The following PCSK2 variants were observed in gnomAD, a reference collection of about 807,000 sequenced individuals.
PCSK2 encodes the protein proprotein convertase subtilisin/kexin type 2, also known as neuroendocrine convertase 2.
Under a neutral mutation model 69.7 loss-of-function variants are expected in PCSK2, and 14 were observed. That is an observed-to-expected ratio of 0.20 (90% CI 0.13 to 0.31). PCSK2 has a LOEUF of 0.31. Among genes scored for constraint, PCSK2 ranks in the 10% least tolerant of loss-of-function variants. The pLI, the probability that PCSK2 is intolerant of heterozygous loss-of-function variation, is 1.00. For missense variants in PCSK2, 544 were observed against 842.5 expected (o/e 0.65, Z 4.39); for synonymous variants, 307 against 320.7 (o/e 0.96, Z 0.46).
chr20:17,444,481 T>C (rs1392664121), intron 8 of PCSK2, among the ~76,000 whole-genome samples: 3 of 152,208 alleles, frequency 2.0e-5, no homozygotes, highest in African/African-American at 7.2e-5. Context: ...TTCTTTTGCT[T>C]AGTAGTCTAT....
At chr20:17,258,294 T>G (rs1171628266) in intron 1 of PCSK2, among the ~76,000 whole-genome samples, 5 of 152,228 alleles carry the variant, frequency 3.3e-5, no homozygotes, top group African/African-American at 1.2e-4. Flanking sequence ...ATTCAACTTT[T>G]TTATTGAATA....
intron 2 of PCSK2, among the ~76,000 whole-genome samples, chr20:17,325,633 T>G (rs6111501): frequency 0.013 from 1,999 of 152,352 alleles, 49 homozygotes; most frequent in African/African-American, 0.046. Context: ...CAATCATTGG[T>G]TATTGTCCAT....
chr20:17,435,176 C>T (rs2032458600), intron 7 of PCSK2, among the ~76,000 whole-genome samples: 2 of 152,082 alleles, frequency 1.3e-5, no homozygotes. Flanking sequence ...TTCTTCTGGA[C>T]CTGTTATTTG....
intron 1 of PCSK2, among the ~76,000 whole-genome samples, chr20:17,230,816 C>T (rs995888035): frequency 2.6e-5 from 4 of 152,132 alleles, no homozygotes; most frequent in Admixed American, 6.5e-5. Flanking sequence ...CATGAACAAA[C>T]ATTTGTTTTC....
chr20:17,342,688 C>T (rs890218333), intron 2 of PCSK2, among the ~76,000 whole-genome samples: 7 of 151,376 alleles, frequency 4.6e-5, no homozygotes, highest in Non-Finnish European at 8.8e-5. Context: ...GACTGGAGTA[C>T]AGTGGCACGA....
intron 8 of PCSK2, among the ~76,000 whole-genome samples, chr20:17,448,939 G>C (rs2032752459): frequency 6.7e-6 from 1 of 150,074 alleles, no homozygotes; most frequent in African/African-American, 2.5e-5. Context: ...GAGTGCAGTG[G>C]TGTGATTATA....
chr20:17,260,596 C>T (rs1294020196), intron 2 of PCSK2, among the ~76,000 whole-genome samples: 1 of 152,164 alleles, frequency 6.6e-6, no homozygotes, highest in African/African-American at 2.4e-5. Context: ...TGGCTATCTT[C>T]TCCTGAGTTA....
chr20:17,295,884 T>A (rs535498010), intron 2 of PCSK2, among the ~76,000 whole-genome samples: 6 of 152,216 alleles, frequency 3.9e-5, no homozygotes, highest in African/African-American at 1.2e-4. Flanking sequence ...AGATAATGTA[T>A]CCATATTGAT....
In PCSK2 at chr20:17,371,070, C is replaced by G. The variant is rs148430772; in HGVS notation, c.543+1793C>G. ...GCCACGTGGAGTTCTGCTCACTTTCCCAAACCATACTTGGGGAAACAATCA... is the reference window on the plus strand; with the variant it reads ...GCCACGTGGAGTTCTGCTCACTTTCGCAAACCATACTTGGGGAAACAATCA... On this transcript the variant is annotated intron_variant, in intron 5 of 11. Transcript: ENST00000262545. Among the ~76,000 whole-genome samples, 237 of 152,316 alleles carry G rather than the reference C, an allele frequency of 1.6e-3. 1 individual carries two copies. Among genetic ancestry groups the G allele is most frequent in the African/African-American group, 5.6e-3 (231 of 41,564 alleles).
intron 7 of PCSK2, among the ~76,000 whole-genome samples, 162 bp downstream of exon 7, chr20:17,429,685 A>G (rs1043175854): frequency 6.6e-6 from 1 of 152,226 alleles, no homozygotes; most frequent in African/African-American, 2.4e-5. Flanking sequence ...AACAATATCA[A>G]TAGTTTTAAA....
At chr20:17,325,550 G>T (rs780699536) in intron 2 of PCSK2, among the ~76,000 whole-genome samples, 4 of 152,164 alleles carry the variant, frequency 2.6e-5, no homozygotes, top group Non-Finnish European at 5.9e-5. Context: ...CTCAATGGTA[G>T]GTCATATCTC....
intron 2 of PCSK2, among the ~76,000 whole-genome samples, chr20:17,329,730 T>C (rs183596782): frequency 6.6e-6 from 1 of 152,376 alleles, no homozygotes; most frequent in Admixed American, 6.5e-5. Context: ...TTTGCATGTA[T>C]TAACTCATTT....
At position 17,246,188 on chromosome 20, in the gene PCSK2, T is replaced by A. The variant is rs144741700; in HGVS notation, c.178-14052T>A. 1.5e-3 allele frequency among the ~76,000 whole-genome samples: 235 copies of A among 152,320 alleles called. 1 individual carries two copies. The highest frequency in any genetic ancestry group is 5.6e-3 in the African/African-American group (231 of 41,572). ...GATAATTCTTTCCAGCATACCAAGA[T>A]AATTTTGAAAGATGAATATTTAGGC... is the stretch of plus-strand genomic sequence containing the variant. On this transcript the variant is annotated intron_variant, in intron 1 of 11. Transcript: ENST00000262545.
At chr20:17,267,424 GC>G (rs1000491829) in intron 2 of PCSK2, among the ~76,000 whole-genome samples, 37 of 152,326 alleles carry the variant, frequency 2.4e-4, no homozygotes, top group African/African-American at 8.9e-4. Context: ...CTTCATGGAT[GC>G]CCCAACCTGT....
chr20:17,359,077 T>C (rs1489882792), intron 3 of PCSK2, among the ~76,000 whole-genome samples: 2 of 152,184 alleles, frequency 1.3e-5, no homozygotes, highest in African/African-American at 4.8e-5. Context: ...GATCAGTGAC[T>C]CCAAACCAAC....
At chr20:17,247,121 T>C (rs963768835) in intron 1 of PCSK2, among the ~76,000 whole-genome samples, 5 of 152,156 alleles carry the variant, frequency 3.3e-5, no homozygotes, top group Non-Finnish European at 5.9e-5. Flanking sequence ...GAAAAATGAA[T>C]GGGGAAAAAG....
chr20:17,272,348 G>T (rs1417558), intron 2 of PCSK2, among the ~76,000 whole-genome samples: 111,295 of 151,966 alleles, frequency 0.73, 41,064 homozygotes, highest in East Asian at 0.9. Context: ...TTAGCATTTT[G>T]TGGAAGTCAT....
At chr20:17,421,807 T>TAAAAAAAAAAA (rs56376793) in intron 6 of PCSK2, among the ~76,000 whole-genome samples, 9 of 78,972 alleles carry the variant, frequency 1.1e-4, no homozygotes, top group Non-Finnish European at 1.8e-4. Context: ...GGAAGAGAGG[T>TAAAAAAAAAAA]AAAAAAAAAA....
At position 17,260,290 on chromosome 20, in the gene PCSK2, G is replaced by C. The variant is rs1987328256; in HGVS notation, c.228G>C (p.Lys76Asn). 1.2e-6 allele frequency: 2 copies of C among 1,613,996 alleles called. No individual in the cohort carries two copies. The highest frequency in any genetic ancestry group is 1.7e-6 in the Non-Finnish European group (2 of 1,179,934). ...LYHFYHNGLA[K>N]AKRRRSLHHK... ...ACTTTTATCACAATGGCCTTGCAAA[G>C]GCCAAGAGAAGACGCAGCCTACACC... is the stretch of plus-strand genomic sequence containing the variant. The change falls in exon 2 of 12, where the codon AAG (lysine) becomes AAC (asparagine). Residue 76 changes from lysine to asparagine, a missense_variant. Lys to Asn is a moderately conservative substitution (Grantham distance 94). Coordinates refer to ENST00000262545, the MANE Select transcript of PCSK2 (RefSeq NM_002594.5).
Sources: gnomAD v4.1 joint callset for allele counts (sites outside exome capture counted in the v4.1 genomes callset) on GRCh38, gnomAD v4.1.1 for gene constraint, MANE v1.5 for transcripts, NCBI Gene and HGNC (gene_info 2026-07-23, HGNC 2026-07-21) for gene names.